DGKB: variants seen among roughly 807,000 people sequenced by gnomAD.
DGKB encodes the protein 90 kDa diacylglycerol kinase.
In DGKB, 67 loss-of-function variants were observed where a neutral mutation model predicts 114.3. The ratio of observed to expected loss-of-function variants is 0.59; its 90% CI spans 0.48 to 0.72. The LOEUF is 0.72. Ranked by LOEUF, DGKB falls within the 30% of genes least tolerant of loss-of-function variation. DGKB has a pLI of 0.00. For missense variants in DGKB, 907 were observed against 975.2 expected (o/e 0.93, Z 0.93); for synonymous variants, 398 against 323.1 (o/e 1.23, Z -2.49).
intron 21 of DGKB, among the ~76,000 whole-genome samples, chr7:14,361,790 G>T (rs1583411746): frequency 2.0e-5 from 3 of 151,882 alleles, no homozygotes; most frequent in Middle Eastern, 6.8e-3. Flanking sequence ...AATTCCAATT[G>T]GGAATATTTT....
chr7:14,619,589 A>C (rs78105153), intron 15 of DGKB, among the ~76,000 whole-genome samples: 4,365 of 151,758 alleles, frequency 0.029, 94 homozygotes, highest in Non-Finnish European at 0.048. Flanking sequence ...AAGCACACAG[A>C]AGAACAAGAT....
At chr7:14,750,941 C>CTA (rs1564099234) in intron 4 of DGKB, among the ~76,000 whole-genome samples, 1 of 151,386 alleles carries the variant, frequency 6.6e-6, no homozygotes, top group African/African-American at 2.4e-5. Flanking sequence ...GTATCTGAGA[C>CTA]TACAGGCGCT....
chr7:14,521,793 G>A (rs922457656), intron 20 of DGKB, among the ~76,000 whole-genome samples: 1 of 152,078 alleles, frequency 6.6e-6, no homozygotes, highest in Non-Finnish European at 1.5e-5. Context: ...TTGTTCCTCA[G>A]TATGAGTCAC....
chr7:14,570,061 A>G (rs868811716), intron 20 of DGKB, among the ~76,000 whole-genome samples: 106 of 151,270 alleles, frequency 7.0e-4, no homozygotes, highest in African/African-American at 2.4e-3. Context: ...TAGTCATAAT[A>G]TATTTTCAAT....
chr7:14,853,867 C>CAA (rs56269565), intron 1 of DGKB, among the ~76,000 whole-genome samples: 46 of 103,978 alleles, frequency 4.4e-4, no homozygotes, highest in African/African-American at 7.7e-4. Flanking sequence ...GACTCCGTCT[C>CAA]AAAAAAAAAA....
chr7:14,367,505 C>T (rs545026745), intron 21 of DGKB, among the ~76,000 whole-genome samples: 3 of 152,158 alleles, frequency 2.0e-5, no homozygotes, highest in Non-Finnish European at 2.9e-5. Context: ...CCTCCCCAGC[C>T]ACATGGAACT....
At chr7:14,598,932 C>T (rs1002795196) in intron 17 of DGKB, among the ~76,000 whole-genome samples, 4 of 152,164 alleles carry the variant, frequency 2.6e-5, no homozygotes, top group Non-Finnish European at 5.9e-5. Flanking sequence ...TCTCAGGGAG[C>T]TGTGAGGTCC....
rs886528002 is a variant in DGKB at position 14,452,008 on chromosome 7, C to T, written c.1835+26153G>A. 6.6e-5 allele frequency among the ~76,000 whole-genome samples: 10 copies of T among 152,098 alleles called. 1 individual carries two copies. The highest frequency in any genetic ancestry group is 5.9e-4 in the Admixed American group (9 of 15,242). ...TGAAGCCCATCAAGAGAATTTTTGA[C>T]TCTTTTCTGAAGTCATTCAACAAGT... is the stretch of plus-strand genomic sequence containing the variant. On this transcript the variant is annotated intron_variant, in intron 21 of 25. Transcript: ENST00000402815.
intron 13 of DGKB, among the ~76,000 whole-genome samples, chr7:14,644,597 G>T (rs1221576487): frequency 6.6e-6 from 1 of 151,984 alleles, no homozygotes; most frequent in East Asian, 1.9e-4. Flanking sequence ...AATTACAGAA[G>T]AAATAATTTC....
intron 12 of DGKB, among the ~76,000 whole-genome samples, chr7:14,676,208 TG>T (rs1819828096): frequency 1.3e-5 from 2 of 149,378 alleles, no homozygotes; most frequent in African/African-American, 5.2e-5. Flanking sequence ...GGTAATATTT[TG>T]TTTCCTGATC....
intron 2 of DGKB, among the ~76,000 whole-genome samples, chr7:14,796,624 C>A (rs1273125999): frequency 2.0e-5 from 3 of 148,114 alleles, no homozygotes; most frequent in East Asian, 3.9e-4. Context: ...TGCTCAAAAG[C>A]AAAGATCATT....
chr7:14,295,719 A>G lies in DGKB; in HGVS notation c.2122+42796T>C, dbSNP rs79140500. 5.6e-3 allele frequency among the ~76,000 whole-genome samples: 859 copies of G among 152,192 alleles called. 13 individuals carry two copies. Among genetic ancestry groups the G allele is most frequent in the African/African-American group, 0.019 (801 of 41,526 alleles). On this transcript the variant is annotated intron_variant, in intron 23 of 25. Coordinates refer to ENST00000402815, the MANE Select transcript of DGKB (RefSeq NM_001350709.2). Reference sequence around the variant, plus strand: ...CAAGACTTTTTAAAAAATTATTATTATTATGTTCTAAGTTCTCGGATACAT... The same window carrying G: ...CAAGACTTTTTAAAAAATTATTATTGTTATGTTCTAAGTTCTCGGATACAT...
chr7:14,161,662 G>T (rs777253471), intron 25 of DGKB, among the ~76,000 whole-genome samples: 13 of 151,548 alleles, frequency 8.6e-5, no homozygotes, highest in Non-Finnish European at 1.5e-4. Context: ...ACCAGGGCCT[G>T]TTGGGGGGTG....
At position 14,417,769 on chromosome 7, in the gene DGKB, C is replaced by T. The variant is rs556256142; in HGVS notation, c.1835+60392G>A. 2.0e-5 allele frequency among the ~76,000 whole-genome samples: 3 copies of T among 151,280 alleles called. No homozygotes were observed. In the East Asian group the frequency reaches 5.8e-4, roughly 29 times the overall value. On this transcript the variant is annotated intron_variant, in intron 21 of 25. Coordinates refer to ENST00000402815, the MANE Select transcript of DGKB (RefSeq NM_001350709.2). ...CTGCTAGTAAATAATTAAATATAAACCTCTGTAAAGCTTTCTGCTGTAATA... is the reference window on the plus strand; with the variant it reads ...CTGCTAGTAAATAATTAAATATAAATCTCTGTAAAGCTTTCTGCTGTAATA...
intron 23 of DGKB, among the ~76,000 whole-genome samples, chr7:14,231,081 CCCTTTCTT>C (rs1490996447): frequency 1.0e-4 from 14 of 135,282 alleles, no homozygotes; most frequent in South Asian, 4.9e-4. Context: ...TTTCTTCTTT[CCCTTTCTT>C]TCTTTCTTTC....
chr7:14,457,815 A>G (rs1450194322), intron 21 of DGKB, among the ~76,000 whole-genome samples: 1 of 152,222 alleles, frequency 6.6e-6, no homozygotes, highest in Non-Finnish European at 1.5e-5. Flanking sequence ...GCCGGCTGAC[A>G]TTCAAATATA....
chr7:14,156,395 T>A (rs1005436666), intron 25 of DGKB, among the ~76,000 whole-genome samples: 1 of 152,166 alleles, frequency 6.6e-6, no homozygotes, highest in Non-Finnish European at 1.5e-5. Flanking sequence ...TTCGGCTTTG[T>A]GGTCTCTGAA....
intron 6 of DGKB, among the ~76,000 whole-genome samples, chr7:14,714,034 C>T (rs902333358): frequency 1.3e-5 from 2 of 151,510 alleles, no homozygotes; most frequent in Non-Finnish European, 2.9e-5. Context: ...GACTTTAATA[C>T]ACTTCCATTT....
At chr7:14,500,152 G>A (rs1208864723) in intron 20 of DGKB, among the ~76,000 whole-genome samples, 1 of 151,308 alleles carries the variant, frequency 6.6e-6, no homozygotes, top group African/African-American at 2.4e-5. Context: ...TATTTTATTT[G>A]CTGTAAATCC....
Sources: gnomAD v4.1 joint callset for allele counts (sites outside exome capture counted in the v4.1 genomes callset) on GRCh38, gnomAD v4.1.1 for gene constraint, MANE v1.5 for transcripts, NCBI Gene and HGNC (gene_info 2026-07-23, HGNC 2026-07-21) for gene names.